The following TMEM272 variants were observed in gnomAD, a reference collection of about 807,000 sequenced individuals.
The protein encoded by TMEM272 is transmembrane protein 272.
TMEM272 carries 8 observed loss-of-function variants against 3.7 expected under a neutral mutation model. That is an observed-to-expected ratio of 2.17 (90% CI 1.27 to 3.91). The LOEUF (loss-of-function observed/expected upper bound fraction) is 3.91, where lower values mean the gene tolerates loss of function less well. Among genes scored for constraint, TMEM272 ranks in the 30% most tolerant of loss-of-function variants. TMEM272 has a pLI of 0.00. For missense variants in TMEM272, 166 were observed against 91.5 expected (o/e 1.81, Z -3.32); for synonymous variants, 63 against 39.8 (o/e 1.58, Z -2.20).
At chr13:51,908,595 G>A in the TMEM272 span, 1 of 1,509,786 alleles carries the variant, frequency 6.6e-7, no homozygotes, top group Non-Finnish European at 9.2e-7. Flanking sequence ...AGCAGGGAGA[G>A]ATGAATCAGC....
upstream of TMEM272, among the ~76,000 whole-genome samples, chr13:51,846,149 T>A (rs1956303467): frequency 6.6e-6 from 1 of 152,186 alleles, no homozygotes; most frequent in South Asian, 2.1e-4. Context: ...GCCCTGCCAC[T>A]CTCCCAGTCC....
intron 3 of TMEM272, among the ~76,000 whole-genome samples, chr13:51,822,441 G>A (rs138834063): frequency 6.6e-6 from 1 of 152,272 alleles, no homozygotes; most frequent in Non-Finnish European, 1.5e-5. Flanking sequence ...TTTCTGAATA[G>A]CCAGTGTATG....
the TMEM272 span, among the ~76,000 whole-genome samples, chr13:51,881,013 T>C: frequency 6.6e-6 from 1 of 152,194 alleles, no homozygotes; most frequent in Admixed American, 6.5e-5. Context: ...ACTGAAGTGA[T>C]CATGGCCTAC....
chr13:51,926,974 G>A, the TMEM272 span, among the ~76,000 whole-genome samples: 1 of 152,076 alleles, frequency 6.6e-6, no homozygotes, highest in African/African-American at 2.4e-5. Context: ...GGAGCTTTAA[G>A]GGGAAAACAA....
At chr13:51,825,635 G>GT (rs11295479) in intron 3 of TMEM272, among the ~76,000 whole-genome samples, 51 of 129,910 alleles carry the variant, frequency 3.9e-4, no homozygotes, top group Non-Finnish European at 6.5e-4. Context: ...TTGTTTTTGT[G>GT]TTTTTTTTTT....
chr13:51,819,790 C>G (rs1400471833), intron 4 of TMEM272, among the ~76,000 whole-genome samples: 1 of 152,092 alleles, frequency 6.6e-6, no homozygotes, highest in Admixed American at 6.5e-5. Flanking sequence ...TAGCAATTGC[C>G]ACTAGGAAGG....
chr13:51,831,678 T>A (rs1436347603), intron 2 of TMEM272, among the ~76,000 whole-genome samples: 1 of 152,244 alleles, frequency 6.6e-6, no homozygotes, highest in Non-Finnish European at 1.5e-5. Flanking sequence ...CTGATCCCCC[T>A]GCCTCCTGGG....
chr13:51,896,100 C>G, the TMEM272 span, among the ~76,000 whole-genome samples: 1 of 152,114 alleles, frequency 6.6e-6, no homozygotes, highest in Non-Finnish European at 1.5e-5. Flanking sequence ...TTCAGCAAAC[C>G]CCAGGGCCCC....
At chr13:51,920,585 C>T in the TMEM272 span, among the ~76,000 whole-genome samples, 1 of 152,178 alleles carries the variant, frequency 6.6e-6, no homozygotes, top group Non-Finnish European at 1.5e-5. Context: ...CCCATGTGCA[C>T]CAGTGCTGAC....
the TMEM272 span, among the ~76,000 whole-genome samples, chr13:51,871,201 T>TC: frequency 6.6e-6 from 1 of 151,084 alleles, no homozygotes; most frequent in Non-Finnish European, 1.5e-5. Flanking sequence ...ACTTTTTTTT[T>TC]TTTTTTTGAG....
At position 51,815,768 on chromosome 13, in the gene TMEM272, G is replaced by A. The variant is rs930034167; in HGVS notation, c.*983C>T. On this transcript the variant is annotated 3_prime_UTR_variant, in exon 5 of 5. Coordinates refer to ENST00000629372, the MANE Select transcript of TMEM272 (RefSeq NM_001351003.2). Reference sequence around the variant, plus strand: ...TCATCTCTCAACAGCGGCAGCCAGAGGGAAGGTTAGTGGTCACTGTTCGGT... The same window carrying A: ...TCATCTCTCAACAGCGGCAGCCAGAAGGAAGGTTAGTGGTCACTGTTCGGT... 6.6e-6 allele frequency: 1 copy of A among 152,226 alleles called. No individual in the cohort carries two copies. The highest frequency in any genetic ancestry group is 1.5e-5 in the Non-Finnish European group (1 of 68,056). The allele number at this position is 152,226 out of a possible 1,614,324, so 9.4% of individuals were successfully genotyped here.
rs552436239 is a variant in TMEM272, at chr13:51,840,007, C to T, written c.-23-1454G>A. The stretch of plus-strand genomic sequence containing the variant: ...TCCCCAACCAGAGGCATATCACCAG[C>T]GCCCTGCCAAGGTCTTCCACATGTT... On this transcript the variant is annotated intron_variant, in intron 1 of 4. Coordinates refer to ENST00000629372, the MANE Select transcript of TMEM272 (RefSeq NM_001351003.2). 7.2e-4 allele frequency among the ~76,000 whole-genome samples: 110 copies of T among 152,332 alleles called. No individual in the cohort carries two copies. In the South Asian group the frequency reaches 8.7e-3, roughly 12 times the overall value.
the TMEM272 span, among the ~76,000 whole-genome samples, chr13:51,850,320 T>G: frequency 9.9e-4 from 151 of 152,334 alleles, no homozygotes; most frequent in African/African-American, 3.5e-3. Flanking sequence ...TTTCTTTGCC[T>G]AATAAATTGG....
At chr13:51,852,474 A>G in the TMEM272 span, among the ~76,000 whole-genome samples, 2 of 152,194 alleles carry the variant, frequency 1.3e-5, no homozygotes, top group East Asian at 3.9e-4. Context: ...GTGGCTAGAA[A>G]CAGTTCTCTT....
chr13:51,909,738 A>C, the TMEM272 span: 20 of 1,555,894 alleles, frequency 1.3e-5, no homozygotes, highest in East Asian at 4.5e-4. Context: ...TTCACTGTTC[A>C]TTTCTAATTC....
chr13:51,873,664 G>A, the TMEM272 span, among the ~76,000 whole-genome samples: 9 of 152,062 alleles, frequency 5.9e-5, no homozygotes, highest in Admixed American at 1.3e-4. Flanking sequence ...TACAGTAATT[G>A]GGATGTTCTT....
the TMEM272 span, among the ~76,000 whole-genome samples, chr13:51,902,805 A>C: frequency 6.6e-6 from 1 of 152,274 alleles, no homozygotes. Context: ...TGTCCGTTTA[A>C]GGCACTAAGT....
At chr13:51,866,711 C>A in the TMEM272 span, among the ~76,000 whole-genome samples, 16 of 152,126 alleles carry the variant, frequency 1.1e-4, no homozygotes, top group Admixed American at 1.0e-3. Flanking sequence ...GGGGCCTTGG[C>A]GTGGGGGCTG....
At chr13:51,819,460 C>G (rs962353647) in intron 4 of TMEM272, among the ~76,000 whole-genome samples, 1 of 152,222 alleles carries the variant, frequency 6.6e-6, no homozygotes, top group Non-Finnish European at 1.5e-5. Context: ...TCTGGCTGCC[C>G]TCCCAGGACT....
Sources: gnomAD v4.1 joint callset for allele counts (sites outside exome capture counted in the v4.1 genomes callset) on GRCh38, gnomAD v4.1.1 for gene constraint, MANE v1.5 for transcripts, NCBI Gene and HGNC (gene_info 2026-07-23, HGNC 2026-07-21) for gene names.